Variants in TMEM200A observed in about 807,000 individuals in gnomAD.
TMEM200A encodes transmembrane protein 200A.
A neutral mutation model predicts 24.3 loss-of-function variants in TMEM200A; 12 were observed. The observed-to-expected ratio is 0.49, with a 90% confidence interval of 0.32 to 0.80. TMEM200A has a LOEUF of 0.80. Ranked by LOEUF, TMEM200A falls within the 30% of genes least tolerant of loss-of-function variation. The pLI, the probability that TMEM200A is intolerant of heterozygous loss-of-function variation, is 0.04. For missense variants in TMEM200A, 545 were observed against 614.4 expected, an observed-to-expected ratio of 0.89 and a Z score of 1.19; for synonymous variants, 224 against 224.4, an observed-to-expected ratio of 1.00 and a Z score of 0.02.
At chr6:130,371,948 T>C (rs1778330559) in intron 1 of TMEM200A, among the ~76,000 whole-genome samples, 1 of 152,224 alleles carries the variant, frequency 6.6e-6, no homozygotes, top group Non-Finnish European at 1.5e-5. Flanking sequence ...TGTAAGGCCA[T>C]GCGCCTTAGA....
intron 2 of TMEM200A, among the ~76,000 whole-genome samples, chr6:130,402,499 A>C (rs1043100124): frequency 6.6e-6 from 1 of 152,096 alleles, no homozygotes; most frequent in Non-Finnish European, 1.5e-5. Flanking sequence ...TCAAGATTCC[A>C]TAATTTGTCT....
At chr6:130,437,172 T>C (rs1780042444) in intron 2 of TMEM200A, 1 of 152,278 alleles carries the variant, frequency 6.6e-6, no homozygotes, top group Non-Finnish European at 1.5e-5. Flanking sequence ...TCCCTCTCGC[T>C]CTGGCCTTAC....
At chr6:130,426,112 A>ATGCTT (rs1430835626) in intron 2 of TMEM200A, among the ~76,000 whole-genome samples, 1 of 152,192 alleles carries the variant, frequency 6.6e-6, no homozygotes, top group East Asian at 1.9e-4. Flanking sequence ...AGGGATTGTA[A>ATGCTT]TGCTTTGAAG....
intron 1 of TMEM200A, among the ~76,000 whole-genome samples, chr6:130,375,310 G>A (rs1022802232): frequency 6.6e-6 from 1 of 152,070 alleles, no homozygotes; most frequent in Non-Finnish European, 1.5e-5. Context: ...CACTGTGTAG[G>A]AATTTATGCC....
chr6:130,414,990 G>A (rs1779415994), intron 2 of TMEM200A, among the ~76,000 whole-genome samples: 1 of 152,152 alleles, frequency 6.6e-6, no homozygotes, highest in Admixed American at 6.5e-5. Context: ...AGGAAAGGAA[G>A]AGTCAGAGGC....
At chr6:130,430,092 A>T (rs1025931103) in intron 2 of TMEM200A, among the ~76,000 whole-genome samples, 1 of 152,050 alleles carries the variant, frequency 6.6e-6, no homozygotes, top group East Asian at 1.9e-4. Context: ...CATAGACTAC[A>T]TGGCTTATAA....
chr6:130,408,879 T>C (rs966740690), intron 2 of TMEM200A, among the ~76,000 whole-genome samples: 12 of 152,152 alleles, frequency 7.9e-5, no homozygotes, highest in Admixed American at 2.0e-4. Context: ...ATAGGAGTAG[T>C]TGGCCAACAG....
Position 130,442,690 on chromosome 6 carries a change from A to G in TMEM200A, c.*792A>G, listed in dbSNP as rs889321212. ...ATGCTATCCTGAAATAATTATATAC[A>G]TGAAGACAATGTTGACTAATGAATT... is the stretch of plus-strand genomic sequence containing the variant. On this transcript the variant is annotated 3_prime_UTR_variant, in exon 3 of 3. Transcript: ENST00000296978. 12 of 166,974 alleles carry G rather than the reference A, an allele frequency of 7.2e-5. No homozygotes were observed. The highest frequency in any genetic ancestry group is 2.9e-4 in the African/African-American group (12 of 41,586). The allele number at this position is 166,974 out of a possible 1,614,324, so 10.3% of individuals were successfully genotyped here. A position where few individuals can be genotyped will look rare whatever the true frequency, so the allele number is the denominator to read the frequency against.
chr6:130,414,875 C>T (rs1020752891), intron 2 of TMEM200A, among the ~76,000 whole-genome samples: 3 of 152,064 alleles, frequency 2.0e-5, no homozygotes, highest in Non-Finnish European at 4.4e-5. Context: ...CCAGCAAATA[C>T]ATATGTATGG....
intron 2 of TMEM200A, among the ~76,000 whole-genome samples, chr6:130,432,843 T>C (rs1779910027): frequency 1.3e-5 from 2 of 152,190 alleles, no homozygotes; most frequent in Non-Finnish European, 2.9e-5. Context: ...CAGGTACTGT[T>C]ACTATACCCA....
At chr6:130,423,328 A>G (rs1207075734) in intron 2 of TMEM200A, among the ~76,000 whole-genome samples, 1 of 150,200 alleles carries the variant, frequency 6.7e-6, no homozygotes, top group Non-Finnish European at 1.5e-5. Flanking sequence ...AAAAAGTCTC[A>G]AATAAATGAG....
chr6:130,438,341 TA>T (rs1780069417), intron 2 of TMEM200A: 1 of 152,176 alleles, frequency 6.6e-6, no homozygotes, highest in Non-Finnish European at 1.5e-5. Context: ...GCCTGTTATT[TA>T]AACACAATTC....
At chr6:130,412,640 T>C (rs576712351) in intron 2 of TMEM200A, among the ~76,000 whole-genome samples, 1 of 152,294 alleles carries the variant, frequency 6.6e-6, no homozygotes, top group Admixed American at 6.5e-5. Context: ...CTTCTCATGC[T>C]AGCCAAGCCC....
chr6:130,440,205 G>A (rs557259681), intron 2 of TMEM200A, among the ~76,000 whole-genome samples: 109 of 152,018 alleles, frequency 7.2e-4, no homozygotes, highest in South Asian at 1.7e-3. Context: ...TAGCCAAAAA[G>A]GAAATCTCCA....
chr6:130,369,155 T>G (rs1164440648), intron 1 of TMEM200A, among the ~76,000 whole-genome samples: 1 of 152,170 alleles, frequency 6.6e-6, no homozygotes, highest in African/African-American at 2.4e-5. Flanking sequence ...TGAAAATACA[T>G]AATAAAATAA....
chr6:130,441,155 C>T lies in TMEM200A; in HGVS notation c.733C>T (p.Pro245Ser), dbSNP rs267600807. 29 of 1,613,898 alleles carry T rather than the reference C, an allele frequency of 1.8e-5. No individual in the cohort carries two copies. Among genetic ancestry groups the T allele is most frequent in the Non-Finnish European group, 2.5e-5 (29 of 1,179,984 alleles). Residue 245 changes from proline to serine, a missense_variant, in exon 3 of 3, where the codon CCT becomes TCT. Pro to Ser is a moderately conservative substitution (Grantham distance 74). Coordinates refer to ENST00000296978, the MANE Select transcript of TMEM200A (RefSeq NM_001258277.2). ...EGKSSGHLMPPLLSDSSVSVF... is the reference protein window; with the variant it reads ...EGKSSGHLMPSLLSDSSVSVF... ...TAAGAGTTCTGGGCATCTTATGCCC[C>T]CTTTGCTCTCTGACAGCTCTGTGTC...
rs9492563 is a variant in TMEM200A, at chr6:130,378,980, G to A, written c.-80-6193G>A. ...CTGCATTATCTCATGGCAGAAGGAC[G>A]AGAGCATATGGGGTTGAACTCATTC... On this transcript the variant is annotated intron_variant, in intron 1 of 2. Coordinates refer to ENST00000296978, the MANE Select transcript of TMEM200A (RefSeq NM_001258277.2). 5.7e-3 allele frequency among the ~76,000 whole-genome samples: 874 copies of A among 152,262 alleles called. 5 individuals are homozygous for A. The highest frequency in any genetic ancestry group is 0.02 in the African/African-American group (826 of 41,548).
chr6:130,402,516 C>G (rs1410980146), intron 2 of TMEM200A, among the ~76,000 whole-genome samples: 3 of 152,040 alleles, frequency 2.0e-5, no homozygotes, highest in South Asian at 2.1e-4. Flanking sequence ...GTCTTCTCTT[C>G]CAGAACTTGA....
intron 1 of TMEM200A, among the ~76,000 whole-genome samples, chr6:130,375,710 A>G (rs1400080413): frequency 6.6e-6 from 1 of 152,196 alleles, no homozygotes; most frequent in African/African-American, 2.4e-5. Context: ...GGGAGGGGGC[A>G]TTGGAGTAGG....
Sources: gnomAD v4.1 joint callset for allele counts (sites outside exome capture counted in the v4.1 genomes callset) on GRCh38, gnomAD v4.1.1 for gene constraint, MANE v1.5 for transcripts, NCBI Gene and HGNC (gene_info 2026-07-23, HGNC 2026-07-21) for gene names.